The following ITGAV variants were observed in gnomAD, a reference collection of about 807,000 sequenced individuals.
ITGAV encodes integrin alpha-V.
A neutral mutation model predicts 143.8 loss-of-function variants in ITGAV; 76 were observed. That is an observed-to-expected ratio of 0.53 (90% CI 0.44 to 0.64). ITGAV has a LOEUF of 0.64. Among genes scored for constraint, ITGAV ranks in the 30% least tolerant of loss-of-function variants. The pLI is 0.00. For missense variants in ITGAV, 1,193 were observed against 1,274.7 expected, an observed-to-expected ratio of 0.94 and a Z score of 0.98; for synonymous variants, 453 against 446.7, an observed-to-expected ratio of 1.01 and a Z score of -0.18.
chr2:186,646,345 G>C (rs16828148), intron 12 of ITGAV, among the ~76,000 whole-genome samples: 7 of 152,110 alleles, frequency 4.6e-5, no homozygotes, highest in African/African-American at 1.7e-4. Context: ...TAATGAGGAA[G>C]CATTTGTGGT....
intron 4 of ITGAV, among the ~76,000 whole-genome samples, chr2:186,626,017 T>C (rs1687667923): frequency 1.3e-5 from 2 of 152,130 alleles, no homozygotes; most frequent in Non-Finnish European, 2.9e-5. Context: ...TACCAAAGTT[T>C]GAGAACTCCT....
At chr2:186,601,845 G>C (rs1455043905) in intron 1 of ITGAV, among the ~76,000 whole-genome samples, 176 bp from the exon 2 acceptor site, 1 of 152,152 alleles carries the variant, frequency 6.6e-6, no homozygotes, top group Non-Finnish European at 1.5e-5. Context: ...ATCAAATAAT[G>C]TATGCATGCA....
intron 8 of ITGAV, 58 bp downstream of exon 8, chr2:186,637,167 CAT>C (rs3832041): frequency 0.013 from 19,184 of 1,429,156 alleles, 761 homozygotes; most frequent in African/African-American, 0.1. Context: ...GTATTTGAAA[CAT>C]GTGGCATTGA....
intron 17 of ITGAV, among the ~76,000 whole-genome samples, chr2:186,658,120 G>A (rs953559948): frequency 1.3e-5 from 2 of 152,026 alleles, no homozygotes; most frequent in Non-Finnish European, 2.9e-5. Flanking sequence ...TGTAAAAAAA[G>A]ATACATAAAC....
At chr2:186,607,534 T>G (rs531876342) in intron 2 of ITGAV, among the ~76,000 whole-genome samples, 10 of 152,114 alleles carry the variant, frequency 6.6e-5, no homozygotes, top group Non-Finnish European at 8.8e-5. Context: ...ACCTGAGGCC[T>G]GTGGTAAGGA....
In ITGAV at chr2:186,678,686, T is replaced by C; in HGVS notation, c.*1394T>C. ...ACCTTCTAGAGGAATATATGATTTATTCACAGTTCCTCAAGGCCTGGGGAT... is the reference window on the plus strand; with the variant it reads ...ACCTTCTAGAGGAATATATGATTTACTCACAGTTCCTCAAGGCCTGGGGAT... On this transcript the variant is annotated 3_prime_UTR_variant, in exon 30 of 30. Coordinates refer to ENST00000261023, the MANE Select transcript of ITGAV (RefSeq NM_002210.5). The C allele has an allele frequency of 2.2e-6, 1 of 455,226 alleles. No individual in the cohort carries two copies. The highest frequency in any genetic ancestry group is 4.4e-6 in the Non-Finnish European group (1 of 226,166). The allele number at this position is 455,226 out of a possible 1,614,324, so 28.2% of individuals were successfully genotyped here.
In ITGAV at chr2:186,678,611, AG is replaced by A. The variant is rs2105758647; in HGVS notation, c.*1320del. 2.8e-6 allele frequency: 1 copy of A among 352,584 alleles called. No individual in the cohort carries two copies. The highest frequency in any genetic ancestry group is 2.3e-5 in the South Asian group (1 of 42,792). The allele number at this position is 352,584 out of a possible 1,614,324, so 21.8% of individuals were successfully genotyped here. ...TTACTTTTCTAGGATTATTAATAAA[AG>A]CCACATAGGTGGCAAGTTGTAGTTT... On this transcript the variant is annotated 3_prime_UTR_variant, in exon 30 of 30. Coordinates refer to ENST00000261023, the MANE Select transcript of ITGAV (RefSeq NM_002210.5).
rs536568648 is a variant in ITGAV, at chr2:186,664,239, A to G, written c.1926-255A>G. Among the ~76,000 whole-genome samples the G allele has an allele frequency of 2.0e-5, 3 of 152,318 alleles. No homozygotes were observed. In the East Asian group the frequency reaches 5.8e-4, roughly 29 times the overall value. On this transcript the variant is annotated intron_variant, in intron 19 of 29. Coordinates refer to ENST00000261023, the MANE Select transcript of ITGAV (RefSeq NM_002210.5). ...ATTGGGGAATTACAAAGTACATGTA[A>G]TTCACTTCAGTAATAGATATGAATG...
intron 6 of ITGAV, among the ~76,000 whole-genome samples, chr2:186,635,763 T>G (rs933746456): frequency 3.9e-5 from 6 of 152,226 alleles, no homozygotes; most frequent in Admixed American, 2.0e-4. Flanking sequence ...TTTTCATGTT[T>G]TAATGGATTA....
rs201056525 is a variant in ITGAV, at chr2:186,677,187, C to A, written c.3052-10C>A. 1.1e-5 allele frequency: 18 copies of A among 1,611,718 alleles called. No individual in the cohort carries two copies. In the South Asian group the frequency reaches 2.0e-4, roughly 18 times the overall value. The stretch of plus-strand genomic sequence containing the variant: ...TGTGACAGTAATAATGGTTTTTCTT[C>A]AACTGACAGATGGGCTTTTTTAAAC... On this transcript the variant is annotated splice_polypyrimidine_tract_variant and intron_variant, in intron 29 of 29. Transcript: ENST00000261023.
intron 1 of ITGAV, among the ~76,000 whole-genome samples, chr2:186,598,593 AC>A (rs1341861595): frequency 2.6e-5 from 4 of 151,758 alleles, no homozygotes; most frequent in African/African-American, 9.7e-5. Context: ...TCATGCCACC[AC>A]GCCTGGCTAA....
intron 2 of ITGAV, among the ~76,000 whole-genome samples, chr2:186,621,564 G>T (rs913091540): frequency 6.6e-6 from 1 of 152,062 alleles, no homozygotes; most frequent in African/African-American, 2.4e-5. Context: ...TTCAATCAAA[G>T]ATCACATCTT....
intron 1 of ITGAV, among the ~76,000 whole-genome samples, chr2:186,591,315 AAC>A (rs1686609112): frequency 6.6e-6 from 1 of 152,168 alleles, no homozygotes; most frequent in Admixed American, 6.5e-5. Flanking sequence ...CAGGATTTAT[AAC>A]AGTTATTGCC....
chr2:186,638,128 A>G (rs761292740), intron 8 of ITGAV, 149 bp from the exon 9 acceptor site: 10 of 669,170 alleles, frequency 1.5e-5, no homozygotes, highest in Non-Finnish European at 2.6e-5. Context: ...ATGCTGGGCT[A>G]TTTATTACGG....
intron 5 of ITGAV, among the ~76,000 whole-genome samples, chr2:186,632,543 A>C (rs1270420502): frequency 6.6e-6 from 1 of 152,196 alleles, no homozygotes; most frequent in Non-Finnish European, 1.5e-5. Flanking sequence ...TATTGTGCTG[A>C]AACACAATAT....
In ITGAV at chr2:186,678,642, T is replaced by C. The variant is rs1259780193; in HGVS notation, c.*1350T>C. ...ATAGGTGGCAAGTTGTAGTTTTATA[T>C]GGCTCTGTAGAGTGGTGAACCTTCT... On this transcript the variant is annotated 3_prime_UTR_variant, in exon 30 of 30. Coordinates refer to ENST00000261023, the MANE Select transcript of ITGAV (RefSeq NM_002210.5). 1.7e-5 allele frequency: 7 copies of C among 409,888 alleles called. No homozygotes were observed. Among genetic ancestry groups the C allele is most frequent in the Non-Finnish European group, 2.4e-5 (5 of 208,462 alleles). 25.4% of individuals were successfully genotyped at this position (409,888 alleles called of 1,614,324 possible).
chr2:186,651,171 G>C (rs535950403), intron 14 of ITGAV, among the ~76,000 whole-genome samples: 1 of 152,302 alleles, frequency 6.6e-6, no homozygotes, highest in Admixed American at 6.5e-5. Flanking sequence ...TATGATCTGA[G>C]TTTATACATG....
intron 2 of ITGAV, among the ~76,000 whole-genome samples, chr2:186,616,086 C>T (rs1455574371): frequency 2.0e-5 from 3 of 151,910 alleles, no homozygotes; most frequent in Admixed American, 1.3e-4. Flanking sequence ...TGCTTGGCAT[C>T]TTTGTCAAAA....
rs1686621800 is a variant in ITGAV, at chr2:186,591,754, T to TTA, written c.185+1231_185+1232insTA. Among the ~76,000 whole-genome samples the TTA allele has an allele frequency of 2.6e-5, 4 of 152,028 alleles. No individual in the cohort carries two copies. In the South Asian group the frequency reaches 6.4e-4, roughly 24 times the overall value. ...ACAACCTTTGCAGCAATACATAGAT[T>TTA]AGATGCAGTTAATGGAAACTTTGTT... is the stretch of plus-strand genomic sequence containing the variant. On this transcript the variant is annotated intron_variant, in intron 1 of 29. Transcript: ENST00000261023.
Sources: gnomAD v4.1 joint callset for allele counts (sites outside exome capture counted in the v4.1 genomes callset) on GRCh38, gnomAD v4.1.1 for gene constraint, MANE v1.5 for transcripts, NCBI Gene and HGNC (gene_info 2026-07-23, HGNC 2026-07-21) for gene names.